The following DPP10 variants were observed in gnomAD, a reference collection of about 807,000 sequenced individuals.
DPP10 encodes the protein inactive dipeptidyl peptidase 10.
DPP10 carries 33 observed loss-of-function variants against 120.9 expected under a neutral mutation model. The observed-to-expected ratio is 0.27, with a 90% CI of 0.21 to 0.37. The LOEUF is 0.37. Ranked by LOEUF, DPP10 falls within the 10% of genes least tolerant of loss-of-function variation. The probability of loss-of-function intolerance (pLI) is 1.00; values close to 1 mark genes in which losing one functional copy is unlikely to be tolerated. For missense variants in DPP10, 816 were observed against 942.8 expected (o/e 0.87, Z 1.76); for synonymous variants, 337 against 326.1 (o/e 1.03, Z -0.36).
At chr2:115,031,036 G>T (rs375197842) in intron 1 of DPP10, among the ~76,000 whole-genome samples, 3 of 152,118 alleles carry the variant, frequency 2.0e-5, no homozygotes, top group African/African-American at 7.2e-5. Context: ...TCCCTAAACT[G>T]GAAGTTCCTT....
chr2:114,649,280 A>C (rs1165991583), intron 1 of DPP10, among the ~76,000 whole-genome samples: 1 of 152,164 alleles, frequency 6.6e-6, no homozygotes, highest in Admixed American at 6.5e-5. Flanking sequence ...AAAATCTTAA[A>C]ATTACTGATA....
chr2:115,633,277 TG>T (rs2086041886), intron 5 of DPP10, among the ~76,000 whole-genome samples: 1 of 152,164 alleles, frequency 6.6e-6, no homozygotes, highest in South Asian at 2.1e-4. Flanking sequence ...TCATGTCCTT[TG>T]TAGGGACATG....
chr2:115,183,013 A>G (rs77123277), intron 1 of DPP10, among the ~76,000 whole-genome samples: 1 of 42,186 alleles, frequency 2.4e-5, no homozygotes, highest in Non-Finnish European at 7.2e-5. Context: ...ATTTACACGC[A>G]CACACACACA....
chr2:115,767,057 CAGAT>C (rs1247584005), intron 12 of DPP10, among the ~76,000 whole-genome samples: 2 of 152,098 alleles, frequency 1.3e-5, no homozygotes, highest in East Asian at 1.9e-4. Context: ...TGAAGGATGT[CAGAT>C]AGAGTTGGAT....
intron 7 of DPP10, among the ~76,000 whole-genome samples, chr2:115,696,962 T>C (rs898838403): frequency 1.3e-5 from 2 of 152,120 alleles, no homozygotes; most frequent in African/African-American, 4.8e-5. Context: ...GATGAAACTA[T>C]GAATGAGCAA....
intron 5 of DPP10, among the ~76,000 whole-genome samples, chr2:115,594,614 C>G (rs986909532): frequency 6.6e-6 from 1 of 152,136 alleles, no homozygotes; most frequent in Non-Finnish European, 1.5e-5. Flanking sequence ...TCCAATGGCA[C>G]AATCTCCAAA....
At chr2:114,655,930 TG>T (rs1696934831) in intron 1 of DPP10, among the ~76,000 whole-genome samples, 2 of 152,286 alleles carry the variant, frequency 1.3e-5, no homozygotes, top group Admixed American at 1.3e-4. Flanking sequence ...TGTTAAGATT[TG>T]GTGGTCAGAA....
At chr2:115,181,582 G>T (rs11885540) in intron 1 of DPP10, among the ~76,000 whole-genome samples, 1,946 of 152,094 alleles carry the variant, frequency 0.013, 36 homozygotes, top group African/African-American at 0.044. Context: ...CTTCTAAAAG[G>T]GATTATTCCA....
rs554616041 is a variant in DPP10 at position 115,151,476 on chromosome 2, C to T, written c.61-157763C>T. Among the ~76,000 whole-genome samples the T allele has an allele frequency of 3.8e-4, 56 of 147,176 alleles. 1 individual carries two copies. Among genetic ancestry groups the T allele is most frequent in the African/African-American group, 1.3e-3 (52 of 39,924 alleles). ...ACCCGGGAGTGCAATGGTGTGATCT[C>T]GGCTCACTGCAACCTCTGCCGCCTG... On this transcript the variant is annotated intron_variant, in intron 1 of 25. Transcript: ENST00000410059.
At chr2:114,924,659 G>A (rs1009733330) in intron 1 of DPP10, among the ~76,000 whole-genome samples, 9 of 151,886 alleles carry the variant, frequency 5.9e-5, no homozygotes, top group East Asian at 1.9e-4. Flanking sequence ...AGTGTATTTC[G>A]GAAAAGGAAA....
intron 4 of DPP10, among the ~76,000 whole-genome samples, chr2:115,523,048 G>A (rs904068937): frequency 1.3e-4 from 20 of 152,034 alleles, no homozygotes; most frequent in South Asian, 4.1e-4. Context: ...GCCGAGATAC[G>A]TTTCTTATTC....
chr2:114,940,767 C>T (rs1696837228), intron 1 of DPP10, among the ~76,000 whole-genome samples: 1 of 152,064 alleles, frequency 6.6e-6, no homozygotes, highest in Non-Finnish European at 1.5e-5. Flanking sequence ...AAAGCAAAGC[C>T]ATTATGTTAA....
chr2:114,490,859 T>C (rs986523879), intron 1 of DPP10, among the ~76,000 whole-genome samples: 6 of 152,312 alleles, frequency 3.9e-5, no homozygotes, highest in African/African-American at 1.4e-4. Flanking sequence ...TTGAATTTTA[T>C]AGAAGAGACA....
At chr2:114,857,781 T>C (rs976926497) in intron 1 of DPP10, among the ~76,000 whole-genome samples, 2 of 152,134 alleles carry the variant, frequency 1.3e-5, no homozygotes, top group Admixed American at 6.5e-5. Context: ...AATGAGCCCA[T>C]AAAGGAACTT....
At chr2:114,493,704 G>A (rs562821704) in intron 1 of DPP10, among the ~76,000 whole-genome samples, 76 of 152,220 alleles carry the variant, frequency 5.0e-4, no homozygotes, top group African/African-American at 1.8e-3. Context: ...TAATGACTGG[G>A]TGTTTAGTTT....
intron 1 of DPP10, among the ~76,000 whole-genome samples, chr2:114,986,347 T>C (rs1481025580): frequency 6.6e-6 from 1 of 152,204 alleles, no homozygotes; most frequent in Admixed American, 6.5e-5. Context: ...GTTTTGAGCA[T>C]ATCTTAATTA....
chr2:115,375,766 G>A (rs950458685), intron 3 of DPP10, among the ~76,000 whole-genome samples: 1 of 152,184 alleles, frequency 6.6e-6, no homozygotes. Flanking sequence ...AGAAGCACAC[G>A]TCTTACCATG....
chr2:115,823,499 A>G (rs1231347352), intron 21 of DPP10, among the ~76,000 whole-genome samples: 1 of 152,164 alleles, frequency 6.6e-6, no homozygotes, highest in Non-Finnish European at 1.5e-5. Flanking sequence ...TACGCCATCC[A>G]CCAAAGAAGG....
At chr2:115,556,479 T>A (rs560292717) in intron 5 of DPP10, among the ~76,000 whole-genome samples, 2 of 151,336 alleles carry the variant, frequency 1.3e-5, no homozygotes, top group South Asian at 4.2e-4. Context: ...TGGACATCCC[T>A]GGCCTAGATT....
Sources: allele counts gnomAD v4.1 joint callset (sites outside exome capture counted in the v4.1 genomes callset), GRCh38; gene constraint gnomAD v4.1.1; transcripts MANE v1.5; gene names NCBI Gene and HGNC (gene_info 2026-07-23, HGNC 2026-07-21).